SLC16A4: variants seen among roughly 807,000 people sequenced by gnomAD.
SLC16A4 encodes the protein probable monocarboxylate transporter 5.
SLC16A4 carries 39 observed loss-of-function variants against 47.9 expected under a neutral mutation model. The observed-to-expected ratio is 0.81, with a 90% CI of 0.63 to 1.06. The LOEUF (loss-of-function observed/expected upper bound fraction) is 1.06, where lower values mean the gene tolerates loss of function less well. Among genes scored for constraint, SLC16A4 ranks in the 50% least tolerant of loss-of-function variants. The probability of loss-of-function intolerance (pLI) is 0.00; values close to 1 mark genes in which losing one functional copy is unlikely to be tolerated. For missense variants in SLC16A4, 524 were observed against 573.8 expected (o/e 0.91, Z 0.89); for synonymous variants, 189 against 199.9 (o/e 0.95, Z 0.46).
chr1:110,370,430 C>G (rs577829733), intron 8 of SLC16A4: 59 of 151,976 alleles, frequency 3.9e-4, no homozygotes, highest in Non-Finnish European at 7.5e-4. Flanking sequence ...AATAGTGGAG[C>G]GAGGACCAGA....
chr1:110,390,332 GT>G lies in SLC16A4; in HGVS notation c.-33+532del, dbSNP rs1662973151. Among the ~76,000 whole-genome samples the G allele has an allele frequency of 2.0e-5, 3 of 152,314 alleles. No individual in the cohort carries two copies. In the South Asian group the frequency reaches 6.2e-4, roughly 32 times the overall value. ...AATAGAAAGGGAAGGCGAGCCTTGAGTTTAGGAATTCTCCTTAGAAAACACT... is the reference window on the plus strand; with the variant it reads ...AATAGAAAGGGAAGGCGAGCCTTGAGTTAGGAATTCTCCTTAGAAAACACT... On this transcript the variant is annotated intron_variant, in intron 1 of 8. Transcript: ENST00000369779.
intron 2 of SLC16A4, among the ~76,000 whole-genome samples, chr1:110,384,673 T>C (rs932759539): frequency 2.0e-5 from 3 of 152,180 alleles, no homozygotes; most frequent in African/African-American, 7.2e-5. Flanking sequence ...GCGTTGGCTT[T>C]TCAAGGCCAC....
At chr1:110,364,070 G>A (rs1425539421) in intron 8 of SLC16A4, among the ~76,000 whole-genome samples, 177 bp from the exon 9 acceptor site, 1 of 152,074 alleles carries the variant, frequency 6.6e-6, no homozygotes, top group Admixed American at 6.6e-5. Context: ...CCTGAGTTAG[G>A]GACTTACACC....
Position 110,363,899 on chromosome 1 carries a change from A to C in SLC16A4, c.1337-6T>G, listed in dbSNP as rs1270178752. On this transcript the variant is annotated splice_polypyrimidine_tract_variant and splice_region_variant and intron_variant, in intron 8 of 8. Transcript: ENST00000369779. ...GGTATAATCATATAACCAGCCTGGA[A>C]GGAAGGAATGATTTCTGTTAGGGAA... 1 of 1,595,966 alleles carries C rather than the reference A, an allele frequency of 6.3e-7. No individual in the cohort carries two copies. The highest frequency in any genetic ancestry group is 8.5e-7 in the Non-Finnish European group (1 of 1,173,982).
chr1:110,381,603 G>T, intron 4 of SLC16A4, 49 bp downstream of exon 4: 1 of 1,578,230 alleles, frequency 6.3e-7, no homozygotes, highest in Non-Finnish European at 8.6e-7. Context: ...TTACAAGTGT[G>T]AGCCACCACT....
At chr1:110,385,372 A>G (rs2101068784) in intron 2 of SLC16A4, among the ~76,000 whole-genome samples, 1 of 152,360 alleles carries the variant, frequency 6.6e-6, no homozygotes, top group East Asian at 1.9e-4. Flanking sequence ...GAAAATTCTG[A>G]TAAAGTACTT....
At chr1:110,378,755 T>G in intron 6 of SLC16A4, 98 bp downstream of exon 6, 1 of 1,460,942 alleles carries the variant, frequency 6.8e-7, no homozygotes, top group East Asian at 2.3e-5. Context: ...CTACAATTCC[T>G]CTTTTGTTTT....
chr1:110,363,896 G>T lies in SLC16A4; in HGVS notation c.1337-3C>A. ...CTGGGTATAATCATATAACCAGCCT[G>T]GAAGGAAGGAATGATTTCTGTTAGG... is the stretch of plus-strand genomic sequence containing the variant. On this transcript the variant is annotated splice_polypyrimidine_tract_variant and splice_region_variant and intron_variant, in intron 8 of 8. Transcript: ENST00000369779. 4 of 1,595,028 alleles carry T rather than the reference G, an allele frequency of 2.5e-6. No individual in the cohort carries two copies. The highest frequency in any genetic ancestry group is 3.4e-6 in the Non-Finnish European group (4 of 1,173,500).
At chr1:110,383,368 A>G (rs1662533917) in intron 2 of SLC16A4, among the ~76,000 whole-genome samples, 1 of 152,202 alleles carries the variant, frequency 6.6e-6, no homozygotes, top group Non-Finnish European at 1.5e-5. Context: ...TAGACCAATC[A>G]GTTTCCCCGA....
intron 5 of SLC16A4, among the ~76,000 whole-genome samples, chr1:110,379,614 A>AG (rs540851975): frequency 1.5e-4 from 23 of 149,706 alleles, no homozygotes; most frequent in Non-Finnish European, 2.1e-4. Context: ...TAAGGGGGGT[A>AG]GGGGGGGCAA....
intron 2 of SLC16A4, among the ~76,000 whole-genome samples, chr1:110,383,229 A>G (rs1023149509): frequency 6.6e-6 from 1 of 152,230 alleles, no homozygotes; most frequent in Non-Finnish European, 1.5e-5. Context: ...CAAATAATTT[A>G]TACCAAATAA....
chr1:110,377,706 T>C (rs915090419), intron 6 of SLC16A4, among the ~76,000 whole-genome samples: 2 of 152,248 alleles, frequency 1.3e-5, no homozygotes, highest in African/African-American at 4.8e-5. Flanking sequence ...AGTTTGGAAA[T>C]GGGAGATTGT....
At chr1:110,368,238 T>C (rs536182514) in intron 8 of SLC16A4, among the ~76,000 whole-genome samples, 93 of 152,366 alleles carry the variant, frequency 6.1e-4, no homozygotes, top group African/African-American at 2.1e-3. Flanking sequence ...CTAGATTCCT[T>C]TGTGGTCATA....
rs1406537094 is a variant in SLC16A4, at chr1:110,366,132, ACT to A, written c.1337-2241_1337-2240del. The stretch of plus-strand genomic sequence containing the variant: ...CACACACACACACACACACACACAC[ACT>A]CTTTCTCTCTCTCTCACTCACTCAC... On this transcript the variant is annotated intron_variant, in intron 8 of 8. Transcript: ENST00000369779. Among the ~76,000 whole-genome samples, 4 of 128,266 alleles carry A rather than the reference ACT, an allele frequency of 3.1e-5. No individual in the cohort carries two copies. The East Asian group carries it at 6.3e-4, about 20-fold the overall frequency. The allele number at this position is 128,266 out of a possible 152,430, so 84.1% of individuals were successfully genotyped here. A position where few individuals can be genotyped will look rare whatever the true frequency, so the allele number is the denominator to read the frequency against.
chr1:110,383,022 C>A, intron 2 of SLC16A4, 56 bp from the exon 3 acceptor site: 1 of 1,465,858 alleles, frequency 6.8e-7, no homozygotes. Context: ...ATTACAGAGG[C>A]AATTACGGCT....
At chr1:110,381,523 C>G in intron 4 of SLC16A4, 129 bp downstream of exon 4, 1 of 846,126 alleles carries the variant, frequency 1.2e-6, no homozygotes, top group Non-Finnish European at 1.8e-6. Context: ...AGGGTTTCAC[C>G]ATGTTGCCCA....
rs142009607 is a variant in SLC16A4 at position 110,367,785 on chromosome 1, C to T, written c.1337-3892G>A. Among the ~76,000 whole-genome samples, 1,038 of 152,174 alleles carry T rather than the reference C, an allele frequency of 6.8e-3. 13 individuals carry two copies. The highest frequency in any genetic ancestry group is 0.023 in the African/African-American group (971 of 41,520). ...TTTTTTTGGTAACAGGATGAAAAAT[C>T]TGTTCAGATGCACTTCGGACCCTAA... On this transcript the variant is annotated intron_variant, in intron 8 of 8. Transcript: ENST00000369779.
In SLC16A4 at chr1:110,377,014, A is replaced by C. The variant is rs372165622; in HGVS notation, c.1178T>G (p.Met393Arg). 8 of 1,613,792 alleles carry C rather than the reference A, an allele frequency of 5.0e-6. No homozygotes were observed. Among genetic ancestry groups the C allele is most frequent in the Non-Finnish European group, 6.8e-6 (8 of 1,179,942 alleles). Reference protein sequence around the residue: ...APLATTFPLLMTYTICFAIFA... With the variant: ...APLATTFPLLRTYTICFAIFA... ...GATGGCAAAGCAGATGGTGTAGGTC[A>C]TAAGTAGTGGAAATGTGGTGGCTAA... Residue 393 changes from methionine to arginine, a missense_variant, in exon 7 of 9, where the codon ATG becomes AGG. Coordinates refer to ENST00000369779, the MANE Select transcript of SLC16A4 (RefSeq NM_004696.3).
intron 2 of SLC16A4, among the ~76,000 whole-genome samples, chr1:110,384,056 G>A (rs1662599627): frequency 6.6e-6 from 1 of 152,018 alleles, no homozygotes; most frequent in Non-Finnish European, 1.5e-5. Context: ...GTAAAAAGTT[G>A]CTTAAAATAG....
Sources: allele counts gnomAD v4.1 joint callset (sites outside exome capture counted in the v4.1 genomes callset), GRCh38; gene constraint gnomAD v4.1.1; transcripts MANE v1.5; gene names NCBI Gene and HGNC (gene_info 2026-07-23, HGNC 2026-07-21).